The following DDX11 variants were observed in gnomAD, a reference collection of about 807,000 sequenced individuals.
DDX11 encodes the protein DEAD/H-box helicase 11.
A neutral mutation model predicts 125.2 loss-of-function variants in DDX11; 72 were observed. That is an observed-to-expected ratio of 0.58 (90% CI 0.48 to 0.70). The LOEUF (loss-of-function observed/expected upper bound fraction) is 0.70, where lower values mean the gene tolerates loss of function less well. Ranked by LOEUF, DDX11 falls within the 30% of genes least tolerant of loss-of-function variation. The pLI is 0.00. For missense variants in DDX11, 883 were observed against 1,165.0 expected, an observed-to-expected ratio of 0.76 and a Z score of 3.52; for synonymous variants, 347 against 452.6, an observed-to-expected ratio of 0.77 and a Z score of 2.96.
chr12:31,077,909 C>G, intron 1 of DDX11: 1 of 303,198 alleles, frequency 3.3e-6, no homozygotes, highest in South Asian at 3.0e-5. Flanking sequence ...ACAAGCTGTG[C>G]TTATGGTCCT....
In DDX11 at chr12:31,104,196, C is replaced by G. The variant is rs1352704973; in HGVS notation, c.*360C>G. ...ACTGTGGCATCTCCGTCCTGCCCAC[C>G]TTCTTAAGAGGCGAGATGGAGCAGG... On this transcript the variant is annotated 3_prime_UTR_variant, in exon 27 of 27. Transcript: ENST00000542838. 2.4e-5 allele frequency: 29 copies of G among 1,202,434 alleles called. No individual in the cohort carries two copies. The highest frequency in any genetic ancestry group is 3.2e-5 in the Non-Finnish European group (28 of 885,856). 74.5% of individuals were successfully genotyped at this position (1,202,434 alleles called of 1,614,324 possible).
Position 31,102,916 on chromosome 12 carries a change from C to G in DDX11, c.2373-20C>G. On this transcript the variant is annotated intron_variant, in intron 23 of 26. Transcript: ENST00000542838. ...GAGGTCCTGACGTCCACCTGCTGGG[C>G]TCTTGTCTCCCCCGCCCAGGTGTGT... The G allele has an allele frequency of 6.2e-7, 1 of 1,613,390 alleles. No individual in the cohort carries two copies. Among genetic ancestry groups the G allele is most frequent in the Non-Finnish European group, 8.5e-7 (1 of 1,179,404 alleles).
intron 2 of DDX11, among the ~76,000 whole-genome samples, chr12:31,083,273 AACAG>A (rs939920205): frequency 3.3e-5 from 5 of 151,798 alleles, no homozygotes; most frequent in African/African-American, 2.4e-5. Flanking sequence ...TCCTCTCAAA[AACAG>A]ACAGAGTGGT....
At chr12:31,095,981 GCCATCATCTCCT>G (rs1945154632) in intron 14 of DDX11, among the ~76,000 whole-genome samples, 1 of 151,360 alleles carries the variant, frequency 6.6e-6, no homozygotes, top group Non-Finnish European at 1.5e-5. Context: ...GCAGGTCCCA[GCCATCATCTCCT>G]CTGTGGCTTT....
chr12:31,084,328 T>A (rs1309793348), intron 3 of DDX11, among the ~76,000 whole-genome samples: 1 of 152,204 alleles, frequency 6.6e-6, no homozygotes, highest in African/African-American at 2.4e-5. Context: ...ATTGGCAGCA[T>A]GGTTCAATGG....
At chr12:31,089,364 G>T (rs771312718) in intron 7 of DDX11, 39 bp from the exon 8 acceptor site, 2 of 1,606,270 alleles carry the variant, frequency 1.2e-6, no homozygotes, top group South Asian at 2.2e-5. Flanking sequence ...CATTTAGCTG[G>T]CACCATCTTT....
chr12:31,090,209 A>C (rs533283838), intron 9 of DDX11, 115 bp downstream of exon 9: 75 of 860,630 alleles, frequency 8.7e-5, no homozygotes, highest in Non-Finnish European at 7.8e-5. Context: ...GGTCAGGTTG[A>C]TGGCACCTTA....
At chr12:31,100,064 G>T (rs61918668) in intron 18 of DDX11, among the ~76,000 whole-genome samples, 3 of 151,970 alleles carry the variant, frequency 2.0e-5, no homozygotes, top group South Asian at 2.1e-4. Context: ...ATAGGCAGGC[G>T]CATGATTACA....
At chr12:31,087,165 G>T (rs61917217) in intron 5 of DDX11, among the ~76,000 whole-genome samples, 24,236 of 144,526 alleles carry the variant, frequency 0.17, 2,490 homozygotes, top group East Asian at 0.35. Context: ...GATTCTTCCC[G>T]CATTGCTGGG....
In DDX11 at chr12:31,096,374, A is replaced by G. The variant is rs761282467; in HGVS notation, c.1516A>G (p.Arg506Gly). The G allele has an allele frequency of 6.2e-7, 1 of 1,613,172 alleles. No individual in the cohort carries two copies. The highest frequency in any genetic ancestry group is 8.5e-7 in the Non-Finnish European group (1 of 1,179,814). Reference protein sequence around the residue: ...QRYCEKSMISRKLFGFTERYG... With the variant: ...QRYCEKSMISGKLFGFTERYG... The stretch of plus-strand genomic sequence containing the variant: ...ATACTGTGAGAAGAGCATGATCAGC[A>G]GAAAGGTAACTGCTCCCATCTTGTG... The change falls in exon 15 of 27, where the codon AGA (arginine) becomes GGA (glycine). Residue 506 changes from arginine to glycine, a missense_variant. Transcript: ENST00000542838.
intron 18 of DDX11, among the ~76,000 whole-genome samples, chr12:31,098,953 G>T (rs1945826979): frequency 6.6e-6 from 1 of 151,996 alleles, no homozygotes; most frequent in Non-Finnish European, 1.5e-5. Flanking sequence ...CTGGTTTCTT[G>T]TAATGGGGAA....
intron 17 of DDX11, among the ~76,000 whole-genome samples, chr12:31,097,308 T>A (rs1301714420): frequency 6.6e-6 from 1 of 152,116 alleles, no homozygotes; most frequent in Non-Finnish European, 1.5e-5. Context: ...GGGCTTTGGT[T>A]TGGGTCATGA....
chr12:31,084,173 C>A, intron 3 of DDX11, 112 bp downstream of exon 3: 1 of 1,422,706 alleles, frequency 7.0e-7, no homozygotes, highest in Non-Finnish European at 9.9e-7. Context: ...CGTTGCCGTG[C>A]CTCTCAGCTC....
At chr12:31,090,726 T>G (rs1292784847) in intron 9 of DDX11, among the ~76,000 whole-genome samples, 1 of 152,222 alleles carries the variant, frequency 6.6e-6, no homozygotes. Context: ...AAACGGGATA[T>G]CACTAGTGGA....
rs775903673 is a variant in DDX11 at position 31,089,033 on chromosome 12, C to T, written c.685-11C>T. On this transcript the variant is annotated splice_polypyrimidine_tract_variant and intron_variant, in intron 6 of 26. Coordinates refer to ENST00000542838, the MANE Select transcript of DDX11 (RefSeq NM_030653.4). ...TTCTCTCTTTGAAGCGCCTTTCTTT[C>T]TCTCTGCTAGATTTATTACTGTAGT... 1 of 1,612,808 alleles carries T rather than the reference C, an allele frequency of 6.2e-7. No homozygotes were observed. Among genetic ancestry groups the T allele is most frequent in the African/African-American group, 1.3e-5 (1 of 74,912 alleles).
intron 14 of DDX11, among the ~76,000 whole-genome samples, chr12:31,095,037 G>C (rs915990878): frequency 6.6e-6 from 1 of 152,214 alleles, no homozygotes; most frequent in Admixed American, 6.5e-5. Flanking sequence ...ACCTTTCTTG[G>C]TGCCCCATAG....
At chr12:31,074,423 A>G (rs572679688) in intron 1 of DDX11, 2 of 152,222 alleles carry the variant, frequency 1.3e-5, no homozygotes, top group African/African-American at 4.8e-5. Context: ...TAAACTTGGC[A>G]ATCAGAGCCC....
chr12:31,078,056 G>A (rs574858482), intron 1 of DDX11: 358 of 496,722 alleles, frequency 7.2e-4, no homozygotes, highest in Admixed American at 1.7e-3. Context: ...GATCTTAGGG[G>A]TGCTGGTCTG....
intron 18 of DDX11, among the ~76,000 whole-genome samples, chr12:31,100,175 T>G (rs940692636): frequency 6.6e-6 from 1 of 152,124 alleles, no homozygotes; most frequent in Non-Finnish European, 1.5e-5. Flanking sequence ...ATAAATATGT[T>G]TAATTTGTTA....
Sources: gnomAD v4.1 joint callset for allele counts (sites outside exome capture counted in the v4.1 genomes callset) on GRCh38, gnomAD v4.1.1 for gene constraint, MANE v1.5 for transcripts, NCBI Gene and HGNC (gene_info 2026-07-23, HGNC 2026-07-21) for gene names.